CDC73: variants seen among roughly 807,000 people sequenced by gnomAD.
CDC73 encodes parafibromin.
CDC73 carries 21 observed loss-of-function variants against 83.7 expected under a neutral mutation model. That is an observed-to-expected ratio of 0.25 (90% CI 0.18 to 0.36). The LOEUF is 0.36. CDC73 is among the 10% of genes least tolerant of loss of function. CDC73 has a pLI of 1.00. For synonymous variants in CDC73, 224 were observed against 212.9 expected (o/e 1.05, Z -0.45); for missense variants, 342 against 653.3 (o/e 0.52, Z 5.19).
At chr1:193,192,359 C>G (rs1395464304) in intron 10 of CDC73, among the ~76,000 whole-genome samples, 2 of 152,180 alleles carry the variant, frequency 1.3e-5, no homozygotes, top group Non-Finnish European at 2.9e-5. Flanking sequence ...ACGAGAATCA[C>G]TTGGACCTGG....
chr1:193,155,852 A>G (rs1676199155), intron 10 of CDC73, among the ~76,000 whole-genome samples: 1 of 152,138 alleles, frequency 6.6e-6, no homozygotes, highest in Admixed American at 6.6e-5. Context: ...ATGTATGAGT[A>G]TCTAAATTGG....
chr1:193,188,458 T>G (rs149616713), intron 10 of CDC73, among the ~76,000 whole-genome samples: 2 of 152,146 alleles, frequency 1.3e-5, no homozygotes, highest in East Asian at 1.9e-4. Flanking sequence ...TTTTTTTTTC[T>G]GAACACTGGC....
intron 14 of CDC73, 146 bp downstream of exon 14, chr1:193,233,300 GTCC>G: frequency 1.4e-6 from 1 of 737,706 alleles, no homozygotes; most frequent in East Asian, 2.7e-5. Flanking sequence ...GGCTCTGTCA[GTCC>G]TCCTGCCTCA....
intron 13 of CDC73, among the ~76,000 whole-genome samples, chr1:193,226,459 CAT>C (rs1677569153): frequency 6.6e-6 from 1 of 152,152 alleles, no homozygotes; most frequent in South Asian, 2.1e-4. Flanking sequence ...GTGGGTTTGT[CAT>C]AGATGACTTT....
rs1408380180 is a variant in CDC73 at position 193,162,254 on chromosome 1, A to ATTATC, written c.972+9811_972+9812insTATCT. On this transcript the variant is annotated intron_variant, in intron 10 of 16. Transcript: ENST00000367435. ...ATATTGTATATAATATATAATAAAT[A>ATTATC]TAGTATATATAATAGATAATATATA... Among the ~76,000 whole-genome samples the ATTATC allele has an allele frequency of 1.1e-3, 114 of 107,208 alleles. 1 individual carries two copies. The highest frequency in any genetic ancestry group is 3.4e-3 in the South Asian group (12 of 3,532). 70.3% of individuals were successfully genotyped at this position (107,208 alleles called of 152,430 possible).
chr1:193,138,196 AAGT>A, intron 6 of CDC73, 23 bp downstream of exon 6: 1 of 1,443,472 alleles, frequency 6.9e-7, no homozygotes, highest in Non-Finnish European at 9.8e-7. Flanking sequence ...TTTAAGTAGA[AAGT>A]AGGTAGTTTA....
At chr1:193,166,788 C>T (rs914957169) in intron 10 of CDC73, among the ~76,000 whole-genome samples, 6 of 151,932 alleles carry the variant, frequency 3.9e-5, no homozygotes, top group African/African-American at 1.4e-4. Context: ...GCTGGGATTA[C>T]AGTTATGCGC....
chr1:193,170,867 C>T (rs1461300823), intron 10 of CDC73, among the ~76,000 whole-genome samples: 1 of 152,168 alleles, frequency 6.6e-6, no homozygotes, highest in African/African-American at 2.4e-5. Flanking sequence ...GAACTGGAGG[C>T]AACATCTTTC....
chr1:193,168,515 C>T (rs1169660970), intron 10 of CDC73, among the ~76,000 whole-genome samples: 1 of 150,930 alleles, frequency 6.6e-6, no homozygotes, highest in Non-Finnish European at 1.5e-5. Context: ...TTCTGTTGTC[C>T]ATGTTTAACT....
intron 10 of CDC73, among the ~76,000 whole-genome samples, chr1:193,177,519 G>A (rs1482962400): frequency 2.1e-5 from 3 of 140,070 alleles, no homozygotes; most frequent in Non-Finnish European, 4.6e-5. Flanking sequence ...GACAGAGCAA[G>A]ACTCTGTCTA....
intron 1 of CDC73, among the ~76,000 whole-genome samples, chr1:193,123,611 A>G (rs10494674): frequency 0.72 from 110,068 of 151,976 alleles, 40,108 homozygotes; most frequent in South Asian, 0.82. Flanking sequence ...AGTTTCTGGT[A>G]TTTTACCCTT....
At chr1:193,238,946 G>A (rs557829866) in intron 15 of CDC73, among the ~76,000 whole-genome samples, 2 of 152,188 alleles carry the variant, frequency 1.3e-5, no homozygotes, top group East Asian at 3.9e-4. Context: ...CCACTCAATT[G>A]GAACTTGTAT....
At chr1:193,226,296 T>C (rs1277658061) in intron 13 of CDC73, among the ~76,000 whole-genome samples, 1 of 152,184 alleles carries the variant, frequency 6.6e-6, no homozygotes, top group East Asian at 1.9e-4. Context: ...CGTTGGTCCT[T>C]GTGCCTATTT....
At chr1:193,153,912 C>T (rs1462088211) in intron 10 of CDC73, among the ~76,000 whole-genome samples, 2 of 152,112 alleles carry the variant, frequency 1.3e-5, no homozygotes, top group African/African-American at 4.8e-5. Flanking sequence ...TCCTCTACGT[C>T]AAGGCAGGGA....
intron 13 of CDC73, among the ~76,000 whole-genome samples, chr1:193,214,819 A>C (rs573624073): frequency 6.6e-5 from 10 of 152,352 alleles, no homozygotes; most frequent in African/African-American, 2.4e-4. Flanking sequence ...ATGTTTTTCT[A>C]ATCAGTGATG....
chr1:193,181,221 A>G (rs777270072), intron 10 of CDC73: 1 of 1,614,050 alleles, frequency 6.2e-7, no homozygotes. Flanking sequence ...CACTAAGTGT[A>G]TTCTCCAGGC....
chr1:193,164,095 A>G (rs1676391109), intron 10 of CDC73, among the ~76,000 whole-genome samples: 1 of 152,198 alleles, frequency 6.6e-6, no homozygotes, highest in Non-Finnish European at 1.5e-5. Context: ...TTACAAAACT[A>G]TGCTTCATTG....
chr1:193,132,382 G>A (rs1426392950), intron 3 of CDC73, among the ~76,000 whole-genome samples: 1 of 152,208 alleles, frequency 6.6e-6, no homozygotes, highest in Non-Finnish European at 1.5e-5. Flanking sequence ...TTACTGTCAT[G>A]CAAGGGAGAC....
intron 10 of CDC73, among the ~76,000 whole-genome samples, chr1:193,183,374 A>T (rs534892385): frequency 6.7e-6 from 1 of 150,148 alleles, no homozygotes; most frequent in South Asian, 2.1e-4. Context: ...ATTTTGAAAG[A>T]TGTGAACAAT....
Sources: gnomAD v4.1 joint callset for allele counts (sites outside exome capture counted in the v4.1 genomes callset) on GRCh38, gnomAD v4.1.1 for gene constraint, MANE v1.5 for transcripts, NCBI Gene and HGNC (gene_info 2026-07-23, HGNC 2026-07-21) for gene names.